Variants in HCRTR2 observed in about 807,000 individuals in gnomAD.
The protein encoded by HCRTR2 is hypocretin receptor 2.
In HCRTR2, 22 loss-of-function variants were observed where a neutral mutation model predicts 49.0. The observed-to-expected ratio is 0.45, with a 90% CI of 0.32 to 0.64. The LOEUF is 0.64. HCRTR2 is among the 30% of genes least tolerant of loss of function. The probability of loss-of-function intolerance (pLI) is 0.04; values close to 1 mark genes in which losing one functional copy is unlikely to be tolerated. For missense variants in HCRTR2, 491 were observed against 559.4 expected (o/e 0.88, Z 1.23); for synonymous variants, 236 against 205.3 (o/e 1.15, Z -1.28).
At chr6:55,245,318 A>G (rs1766411064) in intron 1 of HCRTR2, among the ~76,000 whole-genome samples, 1 of 146,570 alleles carries the variant, frequency 6.8e-6, no homozygotes, top group African/African-American at 2.5e-5. Context: ...ATTTCTTCTT[A>G]GGATTGAAAG....
downstream of HCRTR2, among the ~76,000 whole-genome samples, chr6:55,283,746 A>G (rs952801845): frequency 2.0e-5 from 3 of 152,192 alleles, no homozygotes; most frequent in Non-Finnish European, 4.4e-5. Context: ...GAAACAAAAG[A>G]TATGGGGCAC....
chr6:55,196,255 T>C (rs1765407702), intron 1 of HCRTR2, among the ~76,000 whole-genome samples: 1 of 152,146 alleles, frequency 6.6e-6, no homozygotes, highest in Non-Finnish European at 1.5e-5. Context: ...TCAATCACAG[T>C]ACCCCAGCAG....
chr6:55,190,847 T>G lies in HCRTR2; in HGVS notation c.223+16037T>G, dbSNP rs76779472. 2.8e-3 allele frequency among the ~76,000 whole-genome samples: 427 copies of G among 151,646 alleles called. 4 individuals carry two copies. The highest frequency in any genetic ancestry group is 0.01 in the African/African-American group (414 of 41,302). On this transcript the variant is annotated intron_variant, in intron 1 of 6. Coordinates refer to ENST00000370862, the MANE Select transcript of HCRTR2 (RefSeq NM_001384272.1). ...CTTATCAAGTCAGAATTTCAGGGAG[T>G]GAAGACCCTGGAATCTACACTTTAA...
Position 55,174,650 on chromosome 6 carries a change from G to T in HCRTR2, c.63G>T (p.Leu21=), listed in dbSNP as rs916194906. ...GCAACTGGTCATCTGCTTCGGAGCT[G>T]AATGAAACTCAAGAGCCCTTTTTAA... ...PCRNWSSASE[L]NETQEPFLNP... is the part of the protein sequence containing the mutation. The change falls in exon 1 of 7, where the codon CTG becomes CTT. Residue 21 remains leucine (L), a synonymous_variant. Coordinates refer to ENST00000370862, the MANE Select transcript of HCRTR2 (RefSeq NM_001384272.1). The T allele has an allele frequency of 1.9e-6, 3 of 1,613,956 alleles. No individual in the cohort carries two copies. In the African/African-American group the frequency reaches 4.0e-5, roughly 22 times the overall value.
chr6:55,277,489 C>T lies in HCRTR2; in HGVS notation c.872C>T (p.Ala291Val), dbSNP rs200832900. The T allele has an allele frequency of 6.8e-6, 11 of 1,614,030 alleles. No individual in the cohort carries two copies. The highest frequency in any genetic ancestry group is 9.3e-6 in the Non-Finnish European group (11 of 1,179,988). ...AAGTCCCGGATGAGCGCTGTGGCGG[C>T]TGAAATAAAGCAGATCCGAGCCAGA... ...PTKSRMSAVA[A>V]EIKQIRARRK... Residue 291 changes from alanine to valine, a missense_variant, in exon 5 of 7, where the codon GCT (alanine) becomes GTT (valine). Ala to Val is a moderately conservative substitution (Grantham distance 64). Transcript: ENST00000370862.
intron 1 of HCRTR2, among the ~76,000 whole-genome samples, chr6:55,114,158 A>G (rs983357454): frequency 2.6e-5 from 4 of 151,834 alleles, no homozygotes; most frequent in African/African-American, 7.2e-5. Flanking sequence ...AAAATACTAC[A>G]GATTGGGTAC....
chr6:55,195,423 C>T (rs1268254988), intron 1 of HCRTR2, among the ~76,000 whole-genome samples: 1 of 152,088 alleles, frequency 6.6e-6, no homozygotes, highest in Non-Finnish European at 1.5e-5. Context: ...GAGAAGGTAA[C>T]TGAAACAGGC....
At chr6:55,258,298 A>G (rs1766690629) in intron 3 of HCRTR2, among the ~76,000 whole-genome samples, 1 of 152,188 alleles carries the variant, frequency 6.6e-6, no homozygotes, top group East Asian at 1.9e-4. Context: ...AGTAGAGAGT[A>G]GAATCATAAT....
chr6:55,223,295 GC>G (rs1216500767), intron 1 of HCRTR2, among the ~76,000 whole-genome samples: 3 of 152,098 alleles, frequency 2.0e-5, no homozygotes, highest in East Asian at 3.9e-4. Flanking sequence ...GTGACAACAA[GC>G]CATCTGGTTA....
intron 1 of HCRTR2, among the ~76,000 whole-genome samples, chr6:55,224,927 G>A (rs570629025): frequency 2.7e-4 from 41 of 152,278 alleles, no homozygotes; most frequent in Middle Eastern, 3.4e-3. Flanking sequence ...ATACATTCAA[G>A]AGATCTATTG....
downstream of HCRTR2, among the ~76,000 whole-genome samples, chr6:55,283,293 C>T (rs150396149): frequency 6.6e-6 from 1 of 152,334 alleles, no homozygotes; most frequent in Non-Finnish European, 1.5e-5. Context: ...AAAAGAGCTT[C>T]AGTCTAGTGA....
rs776900840 is a variant in HCRTR2 at position 55,263,782 on chromosome 6, T to C, written c.722T>C (p.Leu241Ser). The change falls in exon 4 of 7, where the codon TTG becomes TCG. Residue 241 changes from leucine to serine, a missense_variant. Physicochemically the swap from Leu to Ser is moderately radical, Grantham distance 145. Transcript: ENST00000370862. ...ATGGCACCACTGTGTCTCATGGTGT[T>C]GGCTTATCTGCAAATATTTCGCAAA... is the stretch of plus-strand genomic sequence containing the variant. ...TYMAPLCLMV[L>S]AYLQIFRKLW... The C allele has an allele frequency of 6.2e-7, 1 of 1,612,582 alleles. No homozygotes were observed. The highest frequency in any genetic ancestry group is 8.5e-7 in the Non-Finnish European group (1 of 1,178,920).
chr6:55,243,349 T>C (rs570682445), intron 1 of HCRTR2, among the ~76,000 whole-genome samples: 2 of 152,248 alleles, frequency 1.3e-5, no homozygotes, highest in South Asian at 4.1e-4. Flanking sequence ...TGTTTAATGG[T>C]TATTCACAGA....
intron 1 of HCRTR2, among the ~76,000 whole-genome samples, chr6:55,186,252 A>G (rs1765214373): frequency 6.6e-6 from 1 of 152,200 alleles, no homozygotes; most frequent in Non-Finnish European, 1.5e-5. Context: ...CAGCAGGAGG[A>G]ATTTTTTACA....
intron 1 of HCRTR2, among the ~76,000 whole-genome samples, chr6:55,232,259 T>C (rs1394889741): frequency 6.6e-6 from 1 of 152,200 alleles, no homozygotes; most frequent in Non-Finnish European, 1.5e-5. Flanking sequence ...AATTAATTAA[T>C]ACAATCTTTA....
chr6:55,196,656 C>T (rs1408670681), intron 1 of HCRTR2, among the ~76,000 whole-genome samples: 1 of 151,832 alleles, frequency 6.6e-6, no homozygotes, highest in African/African-American at 2.4e-5. Flanking sequence ...CTTCAAAGTA[C>T]TGATTAAAAT....
At chr6:55,182,974 T>C (rs1765158845) in intron 1 of HCRTR2, among the ~76,000 whole-genome samples, 2 of 152,342 alleles carry the variant, frequency 1.3e-5, no homozygotes, top group South Asian at 4.1e-4. Flanking sequence ...CAATGCTTAA[T>C]GGCATACCAC....
chr6:55,198,689 C>T (rs1211738816), intron 1 of HCRTR2, among the ~76,000 whole-genome samples: 1 of 152,092 alleles, frequency 6.6e-6, no homozygotes, highest in African/African-American at 2.4e-5. Context: ...TGTCCTGCTG[C>T]AAATGATAAA....
Position 55,107,935 on chromosome 6 carries a change from G to A in HCRTR2, c.-378+1390G>A, listed in dbSNP as rs144252612. Among the ~76,000 whole-genome samples the A allele has an allele frequency of 3.7e-3, 563 of 152,058 alleles. 6 individuals are homozygous for A. The highest frequency in any genetic ancestry group is 0.013 in the African/African-American group (553 of 41,476). ...AATTTTGTGCATATTCATTGCTTATGATTTGCTGTGCTTAAAATTTTCTAT... is the reference window on the plus strand; with the variant it reads ...AATTTTGTGCATATTCATTGCTTATAATTTGCTGTGCTTAAAATTTTCTAT... On this transcript the variant is annotated intron_variant, in intron 1 of 7. Coordinates refer to the HCRTR2 transcript ENST00000615358.
Sources: allele counts gnomAD v4.1 joint callset (sites outside exome capture counted in the v4.1 genomes callset), GRCh38; gene constraint gnomAD v4.1.1; transcripts MANE v1.5; gene names NCBI Gene and HGNC (gene_info 2026-07-23, HGNC 2026-07-21).